Variants in PLPP3 observed in about 807,000 individuals in gnomAD.
PLPP3 encodes the protein PAP2 beta.
In PLPP3, 6 loss-of-function variants were observed where a neutral mutation model predicts 29.6. That is an observed-to-expected ratio of 0.20 (90% CI 0.11 to 0.40). PLPP3 has a LOEUF of 0.40. Among genes scored for constraint, PLPP3 ranks in the 10% least tolerant of loss-of-function variants. The pLI is 1.00. For missense variants in PLPP3, 308 were observed against 407.7 expected, an observed-to-expected ratio of 0.76 and a Z score of 2.11; for synonymous variants, 152 against 159.7, an observed-to-expected ratio of 0.95 and a Z score of 0.36.
At chr1:56,559,189 G>A (rs1646104047) in intron 1 of PLPP3, among the ~76,000 whole-genome samples, 3 of 152,194 alleles carry the variant, frequency 2.0e-5, no homozygotes, top group Admixed American at 2.0e-4. Context: ...AGAAGGAGCG[G>A]GTGCGTTAGC....
intron 4 of PLPP3, among the ~76,000 whole-genome samples, chr1:56,521,886 G>T (rs1177340923): frequency 6.6e-6 from 1 of 152,126 alleles, no homozygotes; most frequent in South Asian, 2.1e-4. Flanking sequence ...TCTCTAGATG[G>T]TAAGGAGGTA....
In PLPP3 at chr1:56,579,093, C is replaced by T; in HGVS notation, c.-77G>A. On this transcript the variant is annotated 5_prime_UTR_variant, in exon 1 of 6. Transcript: ENST00000371250. ...CAGCCACACACCCAGGCGCCCGGGT[C>T]GCCTCCTGGCCGAGGCTGCTGCGGA... The T allele has an allele frequency of 6.5e-7, 1 of 1,546,568 alleles. No homozygotes were observed. Among genetic ancestry groups the T allele is most frequent in the Admixed American group, 1.9e-5 (1 of 51,324 alleles).
rs1557513699 is a variant in PLPP3, at chr1:56,557,031, AGAGAGAGAGAGAGAGAGAGAGAGAG to A, written c.140-19944_140-19920del. Among the ~76,000 whole-genome samples, 204 of 38,250 alleles carry A rather than the reference AGAGAGAGAGAGAGAGAGAGAGAGAG, an allele frequency of 5.3e-3. 38 individuals carry two copies. The highest frequency in any genetic ancestry group is 0.011 in the East Asian group (20 of 1,758). The allele number at this position is 38,250 out of a possible 152,430, so 25.1% of individuals were successfully genotyped here. A position where few individuals can be genotyped will look rare whatever the true frequency, so the allele number is the denominator to read the frequency against. ...GAAAGAGAGAGAGAGAGAGAAAGAGAGAGAGAGAGAGAGAGAGAGAGAGAGAGAAAGAAAGAAAGAAAGAAAAAAT... is the reference window on the plus strand; with the variant it reads ...GAAAGAGAGAGAGAGAGAGAAAGAGAAGAAAGAAAGAAAGAAAGAAAAAAT... On this transcript the variant is annotated intron_variant, in intron 1 of 5. Coordinates refer to ENST00000371250, the MANE Select transcript of PLPP3 (RefSeq NM_003713.5).
chr1:56,577,295 C>CA (rs1345440313), intron 1 of PLPP3, among the ~76,000 whole-genome samples: 3 of 152,216 alleles, frequency 2.0e-5, no homozygotes, highest in African/African-American at 7.2e-5. Flanking sequence ...CAGCTGCCTT[C>CA]AGGAAGGTAG....
Position 56,524,412 on chromosome 1 carries a change from G to A in PLPP3, c.440C>T (p.Ala147Val). Residue 147 changes from alanine (A) to valine (V), a missense_variant, in exon 3 of 6, where the codon GCC (alanine) becomes GTC (valine). Physicochemically the swap from Ala to Val is moderately conservative, Grantham distance 64. Transcript: ENST00000371250. The surrounding 1 kb of genome is among the most constrained non-coding windows in gnomAD (Gnocchi z 4.3). Reference sequence around the variant, plus strand: ...ACGCAGGCGCCCTATGGACACTTTGGCAATGTCTGTGAAAGACTGGCTGAT... The same window carrying A: ...ACGCAGGCGCCCTATGGACACTTTGACAATGTCTGTGAAAGACTGGCTGAT... Reference protein sequence around the residue: ...CAISQSFTDIAKVSIGRLRPH... With the variant: ...CAISQSFTDIVKVSIGRLRPH... The A allele has an allele frequency of 6.2e-7, 1 of 1,614,110 alleles. No homozygotes were observed. The highest frequency in any genetic ancestry group is 8.5e-7 in the Non-Finnish European group (1 of 1,179,958).
chr1:56,549,799 A>G (rs900724224), intron 1 of PLPP3, among the ~76,000 whole-genome samples: 22 of 152,194 alleles, frequency 1.4e-4, no homozygotes, highest in African/African-American at 5.3e-4. Flanking sequence ...TCAGATAAAA[A>G]TTGAACGAAT....
intron 2 of PLPP3, among the ~76,000 whole-genome samples, chr1:56,531,833 A>C (rs1645890642): frequency 6.6e-6 from 1 of 152,064 alleles, no homozygotes; most frequent in South Asian, 2.1e-4. Flanking sequence ...AATAATAGCA[A>C]CCTCACATAG....
intron 1 of PLPP3, among the ~76,000 whole-genome samples, chr1:56,557,023 A>AAAGAAG (rs1557513614): frequency 5.7e-4 from 6 of 10,604 alleles, no homozygotes; most frequent in Admixed American, 1.4e-3. Flanking sequence ...AGAGAGAGAG[A>AAAGAAG]GAAAGAGAGA....
At chr1:56,571,370 C>G (rs10493212) in intron 1 of PLPP3, among the ~76,000 whole-genome samples, 5,735 of 152,260 alleles carry the variant, frequency 0.038, 385 homozygotes, top group African/African-American at 0.13. Context: ...TGAGGCATCA[C>G]AGAGATCAAG....
At chr1:56,544,913 A>T (rs550525652) in intron 1 of PLPP3, among the ~76,000 whole-genome samples, 1 of 152,344 alleles carries the variant, frequency 6.6e-6, no homozygotes, top group South Asian at 2.1e-4. Context: ...CATTTGCAAC[A>T]TGGCTACCCA....
intron 1 of PLPP3, among the ~76,000 whole-genome samples, chr1:56,567,726 G>C (rs2100304294): frequency 6.6e-6 from 1 of 152,122 alleles, no homozygotes; most frequent in Non-Finnish European, 1.5e-5. Flanking sequence ...AAATGATGCA[G>C]CCTCAACGGA....
chr1:56,542,227 G>A lies in PLPP3; in HGVS notation c.140-5115C>T, dbSNP rs190585237. Among the ~76,000 whole-genome samples the A allele has an allele frequency of 1.7e-4, 26 of 152,270 alleles. No individual in the cohort carries two copies. In the East Asian group the frequency reaches 4.6e-3, roughly 27 times the overall value. The stretch of plus-strand genomic sequence containing the variant: ...TGAAAAACTAACACTGGGGCAGGTT[G>A]GGTGGTTTGGGGGTGGAGTGTAAAA... On this transcript the variant is annotated intron_variant, in intron 1 of 5. Transcript: ENST00000371250.
At chr1:56,552,925 G>A (rs2100285300) in intron 1 of PLPP3, among the ~76,000 whole-genome samples, 1 of 152,230 alleles carries the variant, frequency 6.6e-6, no homozygotes, top group South Asian at 2.1e-4. Flanking sequence ...GGGGTCTCAG[G>A]AGTTCAAGGT....
intron 1 of PLPP3, among the ~76,000 whole-genome samples, chr1:56,576,525 G>A: frequency 6.6e-6 from 1 of 152,122 alleles, no homozygotes; most frequent in South Asian, 2.1e-4. Flanking sequence ...CATTTAATTA[G>A]TGATATTGTA....
chr1:56,554,112 T>A (rs150641654), intron 1 of PLPP3, among the ~76,000 whole-genome samples: 2 of 152,134 alleles, frequency 1.3e-5, no homozygotes, highest in East Asian at 3.9e-4. Context: ...AGAATATGGA[T>A]AGCAGAAAAA....
At chr1:56,530,541 A>G (rs912240860) in intron 2 of PLPP3, among the ~76,000 whole-genome samples, 1 of 152,240 alleles carries the variant, frequency 6.6e-6, no homozygotes, top group Non-Finnish European at 1.5e-5. Context: ...TATGACTGAC[A>G]AAGATGTGCA....
Position 56,578,897 on chromosome 1 carries a change from G to T in PLPP3, c.120C>A (p.Asp40Glu). 1 of 1,595,874 alleles carries T rather than the reference G, an allele frequency of 6.3e-7. No individual in the cohort carries two copies. ...GCTCACCCATGAAGAGGCAGAAGAG[G>T]TCGAGGCAGATGAGCAGCACCCGCT... is the stretch of plus-strand genomic sequence containing the variant. ...GSKRVLLICL[D>E]LFCLFMAGLP... Residue 40 changes from aspartate (D) to glutamate (E), a missense_variant, in exon 1 of 6, where the codon GAC becomes GAA. Coordinates refer to ENST00000371250, the MANE Select transcript of PLPP3 (RefSeq NM_003713.5).
At chr1:56,555,431 A>G (rs1223906215) in intron 1 of PLPP3, among the ~76,000 whole-genome samples, 3 of 97,092 alleles carry the variant, frequency 3.1e-5, no homozygotes, top group African/African-American at 1.0e-4. Context: ...AAGGCCAAAC[A>G]CTAAAAAAAA....
chr1:56,506,776 G>A lies in PLPP3; in HGVS notation c.810+5200C>T, dbSNP rs1569864724. Among the ~76,000 whole-genome samples the A allele has an allele frequency of 2.6e-5, 4 of 152,248 alleles. 1 individual carries two copies. The highest frequency in any genetic ancestry group is 2.6e-4 in the Admixed American group (4 of 15,296). On this transcript the variant is annotated intron_variant, in intron 5 of 5. Transcript: ENST00000371250. ...TTAGTGAGTGTGTAGGCGGGAGGGGGCTGGGAGAGCCAATATGAGCCTGTG... is the reference window on the plus strand; with the variant it reads ...TTAGTGAGTGTGTAGGCGGGAGGGGACTGGGAGAGCCAATATGAGCCTGTG...
Sources: allele counts gnomAD v4.1 joint callset (sites outside exome capture counted in the v4.1 genomes callset), GRCh38; gene constraint gnomAD v4.1.1; non-coding constraint Gnocchi (gnomAD v3.1); transcripts MANE v1.5; gene names NCBI Gene and HGNC (gene_info 2026-07-23, HGNC 2026-07-21).